SLC6A16: variants seen among roughly 807,000 people sequenced by gnomAD.
SLC6A16 encodes solute carrier family 6 member 16, also known as orphan sodium- and chloride-dependent neurotransmitter transporter NTT5.
SLC6A16 carries 54 observed loss-of-function variants against 65.4 expected under a neutral mutation model. The ratio of observed to expected loss-of-function variants is 0.83; its 90% confidence interval spans 0.66 to 1.04. SLC6A16 has a LOEUF of 1.04. Among genes scored for constraint, SLC6A16 ranks in the 50% least tolerant of loss-of-function variants. The probability of loss-of-function intolerance (pLI) is 0.00; values close to 1 mark genes in which losing one functional copy is unlikely to be tolerated. For synonymous variants in SLC6A16, 330 were observed against 346.5 expected (o/e 0.95, Z 0.53); for missense variants, 816 against 914.0 (o/e 0.89, Z 1.38).
the SLC6A16 span, chr19:49,340,070 C>T: frequency 6.6e-7 from 1 of 1,521,478 alleles, no homozygotes; most frequent in Non-Finnish European, 8.8e-7. Context: ...GCTATTCCCG[C>T]CTCATCAGCC....
intron 7 of SLC6A16, among the ~76,000 whole-genome samples, chr19:49,296,895 G>A (rs570275465): frequency 8.5e-5 from 13 of 152,170 alleles, no homozygotes; most frequent in South Asian, 8.3e-4. Flanking sequence ...AGACTGAGAC[G>A]GGAGAATCAC....
At chr19:49,325,353 G>A (rs1417246986), upstream of SLC6A16, 2 of 575,480 alleles carry the variant, frequency 3.5e-6, no homozygotes, top group Non-Finnish European at 4.4e-6. Flanking sequence ...GACTGCTCAC[G>A]CGCCACTCCC....
chr19:49,335,604 T>C, the SLC6A16 span: 1 of 1,613,886 alleles, frequency 6.2e-7, no homozygotes, highest in Non-Finnish European at 8.5e-7. The surrounding 1 kb of genome is among the most constrained non-coding windows in gnomAD (Gnocchi z 4.6). Flanking sequence ...CAACCTCTTC[T>C]TCTTCGTGAG....
chr19:49,313,610 T>A (rs1272287667), intron 1 of SLC6A16, among the ~76,000 whole-genome samples: 5 of 126,940 alleles, frequency 3.9e-5, no homozygotes, highest in Non-Finnish European at 7.9e-5. Context: ...CAAAACCCTA[T>A]CTCTACTAAA....
the SLC6A16 span, chr19:49,338,057 C>T: frequency 3.7e-6 from 6 of 1,608,636 alleles, no homozygotes; most frequent in Admixed American, 8.4e-5. The surrounding 1 kb of genome is among the most constrained non-coding windows in gnomAD (Gnocchi z 5.0). Context: ...AGTTCCCTCC[C>T]GGACTGACCC....
upstream of SLC6A16, among the ~76,000 whole-genome samples, chr19:49,325,891 C>T (rs1045792148): frequency 6.6e-6 from 1 of 151,934 alleles, no homozygotes; most frequent in Non-Finnish European, 1.5e-5. Flanking sequence ...GCGCTGGGCG[C>T]GGTGGCTGAC....
intron 11 of SLC6A16, 47 bp from the exon 12 acceptor site, chr19:49,290,439 G>T: frequency 6.3e-7 from 1 of 1,588,720 alleles, no homozygotes; most frequent in Non-Finnish European, 8.6e-7. Flanking sequence ...ATCCCCAAGA[G>T]AAAAGGAAGA....
the SLC6A16 span, among the ~76,000 whole-genome samples, chr19:49,332,632 T>G: frequency 6.6e-6 from 1 of 152,230 alleles, no homozygotes; most frequent in Non-Finnish European, 1.5e-5. Flanking sequence ...CTTGAGATCC[T>G]GAATGTAATT....
At chr19:49,294,320 A>T (rs1970141529) in intron 8 of SLC6A16, 47 bp downstream of exon 8, 1 of 1,577,368 alleles carries the variant, frequency 6.3e-7, no homozygotes, top group Admixed American at 1.8e-5. Flanking sequence ...TGTTGTGCTA[A>T]AGGCTTTCAG....
intron 7 of SLC6A16, among the ~76,000 whole-genome samples, chr19:49,298,667 G>A (rs1263351212): frequency 2.0e-5 from 3 of 152,126 alleles, no homozygotes; most frequent in Non-Finnish European, 4.4e-5. Flanking sequence ...TAACTTAAAA[G>A]GGAACTACCA....
chr19:49,295,346 C>CT (rs1287753132), intron 7 of SLC6A16, among the ~76,000 whole-genome samples: 1 of 150,528 alleles, frequency 6.6e-6, no homozygotes, highest in Non-Finnish European at 1.5e-5. Context: ...CACCACTGCC[C>CT]TCCAGCCTGG....
intron 7 of SLC6A16, among the ~76,000 whole-genome samples, chr19:49,305,073 C>A (rs1357487249): frequency 6.6e-6 from 1 of 152,190 alleles, no homozygotes; most frequent in Non-Finnish European, 1.5e-5. Context: ...CCTTTGGAAT[C>A]TGGGGTAGCT....
At chr19:49,312,424 C>G (rs879893059) in intron 1 of SLC6A16, 59 of 395,198 alleles carry the variant, frequency 1.5e-4, no homozygotes, top group Non-Finnish European at 1.9e-4. Flanking sequence ...CATTTCTCAT[C>G]TCCTGACTTT....
At chr19:49,339,657 G>C in the SLC6A16 span, 6 of 1,428,494 alleles carry the variant, frequency 4.2e-6, no homozygotes, top group Non-Finnish European at 5.5e-6. The surrounding 1 kb of genome is among the most constrained non-coding windows in gnomAD (Gnocchi z 4.5). Flanking sequence ...TTTCTCCGCA[G>C]ATGACTGTCA....
chr19:49,339,265 G>C, the SLC6A16 span: 1 of 1,462,220 alleles, frequency 6.8e-7, no homozygotes. This position sits in a 1 kb window ranked among gnomAD's most constrained non-coding sequence, Gnocchi z 4.5. Flanking sequence ...GGCCTGAAAA[G>C]AACGCTGGGC....
chr19:49,326,169 C>CA (rs544859156), upstream of SLC6A16, among the ~76,000 whole-genome samples: 4,423 of 127,946 alleles, frequency 0.035, 184 homozygotes, highest in African/African-American at 0.11. Flanking sequence ...GACTCCGTCT[C>CA]AAAAAAAAAA....
At chr19:49,300,242 G>A (rs958212281) in intron 7 of SLC6A16, among the ~76,000 whole-genome samples, 1 of 152,092 alleles carries the variant, frequency 6.6e-6, no homozygotes, top group African/African-American at 2.4e-5. Flanking sequence ...AGAGGCTGAG[G>A]CAGGAGAATC....
the SLC6A16 span, chr19:49,335,795 G>T: frequency 6.2e-7 from 1 of 1,607,494 alleles, no homozygotes; most frequent in South Asian, 1.1e-5. The surrounding 1 kb of genome is among the most constrained non-coding windows in gnomAD (Gnocchi z 4.6). Context: ...GGGTGAGGGG[G>T]GCTGGGGCAG....
the SLC6A16 span, chr19:49,337,977 C>A: frequency 1.2e-6 from 2 of 1,614,090 alleles, no homozygotes; most frequent in Admixed American, 3.3e-5. Context: ...AAGTACGGCA[C>A]CAACCCCGAG....
Sources: allele counts gnomAD v4.1 joint callset (sites outside exome capture counted in the v4.1 genomes callset), GRCh38; gene constraint gnomAD v4.1.1; non-coding constraint Gnocchi (gnomAD v3.1); transcripts MANE v1.5; gene names NCBI Gene and HGNC (gene_info 2026-07-23, HGNC 2026-07-21).